The following SEZ6L2 variants were observed in gnomAD, a reference collection of about 807,000 sequenced individuals.
The protein encoded by SEZ6L2 is seizure 6-like protein 2.
Under a neutral mutation model 97.0 loss-of-function variants are expected in SEZ6L2, and 44 were observed. The ratio of observed to expected loss-of-function variants is 0.45; its 90% CI spans 0.36 to 0.58. The LOEUF (loss-of-function observed/expected upper bound fraction) is 0.58. SEZ6L2 is among the 20% of genes least tolerant of loss of function. The pLI, the probability that SEZ6L2 is intolerant of heterozygous loss-of-function variation, is 0.00. For synonymous variants in SEZ6L2, 543 were observed against 546.1 expected (o/e 0.99, Z 0.08); for missense variants, 1,086 against 1,233.3 (o/e 0.88, Z 1.79).
chr16:29,883,546 T>C (rs1410158973), intron 8 of SEZ6L2, among the ~76,000 whole-genome samples: 3 of 152,148 alleles, frequency 2.0e-5, no homozygotes, highest in Non-Finnish European at 4.4e-5. Context: ...CTCAAACTCC[T>C]GGCCTCAAAC....
intron 5 of SEZ6L2, among the ~76,000 whole-genome samples, chr16:29,891,262 CTA>C (rs146833675): frequency 0.26 from 38,786 of 151,874 alleles, 5,590 homozygotes; most frequent in Non-Finnish European, 0.34. Flanking sequence ...CAGTGTTTCA[CTA>C]TGTTGGCCAG....
At position 29,871,458 on chromosome 16, in the gene SEZ6L2, C is replaced by T. The variant is rs530066455; in HGVS notation, c.*241G>A. ...AGTTCCCCTCCCAGAATCCAAAAGCCGGTAGGGCGGGGGGCAGGCCCCTCG... is the reference window on the plus strand; with the variant it reads ...AGTTCCCCTCCCAGAATCCAAAAGCTGGTAGGGCGGGGGGCAGGCCCCTCG... On this transcript the variant is annotated 3_prime_UTR_variant, in exon 18 of 18. Transcript: ENST00000617533. 18 of 587,878 alleles carry T rather than the reference C, an allele frequency of 3.1e-5. No individual in the cohort carries two copies. The highest frequency in any genetic ancestry group is 1.7e-4 in the East Asian group (6 of 35,530). The allele number at this position is 587,878 out of a possible 1,614,324, so 36.4% of individuals were successfully genotyped here.
At chr16:29,874,495 C>T (rs888415137) in intron 12 of SEZ6L2, among the ~76,000 whole-genome samples, 5 of 144,240 alleles carry the variant, frequency 3.5e-5, no homozygotes, top group Admixed American at 2.1e-4. Flanking sequence ...TAAGCCTGAG[C>T]TACGTACCCT....
intron 5 of SEZ6L2, among the ~76,000 whole-genome samples, chr16:29,891,187 G>A (rs1441535979): frequency 3.9e-5 from 6 of 151,972 alleles, no homozygotes; most frequent in South Asian, 2.1e-4. Flanking sequence ...TGATCTGCCC[G>A]CCTCGGCCTC....
chr16:29,876,998 C>T lies in SEZ6L2; in HGVS notation c.1910-48G>A, dbSNP rs1414193513. On this transcript the variant is annotated intron_variant, in intron 11 of 17. Transcript: ENST00000617533. This position sits in a 1 kb window ranked among gnomAD's most constrained non-coding sequence, Gnocchi z 6.5. ...TTGGAGGCTGCGTTTTAACTGCGGG[C>T]TCCCTTCCAGCCTCGGAGGCTTTGC... 6.5e-7 allele frequency: 1 copy of T among 1,547,356 alleles called. No homozygotes were observed. Among genetic ancestry groups the T allele is most frequent in the Admixed American group, 1.7e-5 (1 of 57,578 alleles).
In SEZ6L2 at chr16:29,887,754, C is replaced by A; in HGVS notation, c.1103G>T (p.Gly368Val). ...LGRIVSPEPG[G>V]AVGPNLTCRW... ...GCAGGTGAGGTTGGGCCCTACGGCT[C>A]CCCCAGGCTCTGGGGACACGATGCG... Residue 368 changes from glycine (G) to valine (V), a missense_variant, in exon 7 of 18, where the codon GGA (glycine) becomes GTA (valine). This residue lies in a region of SEZ6L2 where 776 missense variants were observed against 794.7 expected (regional missense o/e 0.98). Coordinates refer to ENST00000617533, the MANE Select transcript of SEZ6L2 (RefSeq NM_001243332.2). The A allele has an allele frequency of 6.2e-7, 1 of 1,613,620 alleles. No individual in the cohort carries two copies. The highest frequency in any genetic ancestry group is 1.1e-5 in the South Asian group (1 of 91,042).
Position 29,895,370 on chromosome 16 carries a change from A to C in SEZ6L2, c.742T>G (p.Ser248Ala), listed in dbSNP as rs1445659488. 1 of 1,614,026 alleles carries C rather than the reference A, an allele frequency of 6.2e-7. No individual in the cohort carries two copies. Among genetic ancestry groups the C allele is most frequent in the South Asian group, 1.1e-5 (1 of 91,082 alleles). Residue 248 changes from serine to alanine, a missense_variant, in exon 5 of 18, where the codon TCA becomes GCA. Around this residue, in one of 2 missense-constraint regions of SEZ6L2, gnomAD observed 776 missense variants for 794.7 expected, o/e 0.98. Coordinates refer to ENST00000617533, the MANE Select transcript of SEZ6L2 (RefSeq NM_001243332.2). ...PGLAPRLLAN[S>A]SMLGEGQVLR... ...ACTTGTCCTTCTCCAAGCATGGATG[A>C]GTTGGCCAGGAGTCGGGGGGCCAGG...
At chr16:29,886,472 G>A (rs1430902655) in intron 7 of SEZ6L2, among the ~76,000 whole-genome samples, 2 of 151,636 alleles carry the variant, frequency 1.3e-5, no homozygotes, top group East Asian at 1.9e-4. Flanking sequence ...TCAGGAGATC[G>A]AGACCATCCT....
At chr16:29,879,248 G>A (rs771646188) in intron 9 of SEZ6L2, among the ~76,000 whole-genome samples, 25 of 146,548 alleles carry the variant, frequency 1.7e-4, no homozygotes, top group Non-Finnish European at 3.3e-4. Flanking sequence ...TTTTTGAGAC[G>A]GAGTTTCACA....
rs560329237 is a variant in SEZ6L2, at chr16:29,889,366, G to T, written c.854-641C>A. 1.2e-3 allele frequency among the ~76,000 whole-genome samples: 180 copies of T among 152,058 alleles called. 1 individual carries two copies. The highest frequency in any genetic ancestry group is 4.2e-3 in the African/African-American group (174 of 41,484). On this transcript the variant is annotated intron_variant, in intron 5 of 17. Coordinates refer to ENST00000617533, the MANE Select transcript of SEZ6L2 (RefSeq NM_001243332.2). The stretch of plus-strand genomic sequence containing the variant: ...AGGCAGGAGAATCACTTGAACCCAG[G>T]AGGCAGAGGTTGCAGTGAGCCGAGA...
intron 7 of SEZ6L2, 91 bp from the exon 8 acceptor site, chr16:29,885,840 T>C: frequency 7.8e-7 from 1 of 1,288,704 alleles, no homozygotes; most frequent in Non-Finnish European, 1.1e-6. Flanking sequence ...TTTATAGCTG[T>C]TATCATCACA....
chr16:29,899,079 C>T lies in SEZ6L2; in HGVS notation c.-60G>A. ...TCTAAGTAATCTGGCTGCCACCTTT[C>T]CTCCGTCTCCGTTTATCTTTCCCTT... On this transcript the variant is annotated 5_prime_UTR_variant, in exon 1 of 18. Coordinates refer to ENST00000617533, the MANE Select transcript of SEZ6L2 (RefSeq NM_001243332.2). 2 of 1,159,502 alleles carry T rather than the reference C, an allele frequency of 1.7e-6. No individual in the cohort carries two copies. Among genetic ancestry groups the T allele is most frequent in the Admixed American group, 4.4e-5 (2 of 45,706 alleles). The allele number at this position is 1,159,502 out of a possible 1,614,324, so 71.8% of individuals were successfully genotyped here. A position where few individuals can be genotyped will look rare whatever the true frequency, so the allele number is the denominator to read the frequency against.
chr16:29,896,526 GC>G (rs1382805126), intron 3 of SEZ6L2, among the ~76,000 whole-genome samples: 1 of 151,992 alleles, frequency 6.6e-6, no homozygotes, highest in Non-Finnish European at 1.5e-5. Flanking sequence ...TGATCTGCCC[GC>G]CTGGCCTCCC....
chr16:29,880,114 G>T (rs1355874153), intron 8 of SEZ6L2, 50 bp from the exon 9 acceptor site: 2 of 1,564,634 alleles, frequency 1.3e-6, no homozygotes, highest in South Asian at 1.1e-5. Flanking sequence ...GGCCTCAAGG[G>T]ATCTTAAATT....
chr16:29,878,220 AC>A, intron 10 of SEZ6L2, 66 bp downstream of exon 10: 2 of 1,470,160 alleles, frequency 1.4e-6, no homozygotes, highest in Non-Finnish European at 1.8e-6. Flanking sequence ...AATGCAGGCT[AC>A]TGCATTGGCA....
In SEZ6L2 at chr16:29,876,068, C is replaced by T. The variant is rs1398873435; in HGVS notation, c.2104+688G>A. Among the ~76,000 whole-genome samples, 1 of 152,138 alleles carries T rather than the reference C, an allele frequency of 6.6e-6. No homozygotes were observed. Among genetic ancestry groups the T allele is most frequent in the African/African-American group, 2.4e-5 (1 of 41,420 alleles). On this transcript the variant is annotated intron_variant, in intron 12 of 17. Transcript: ENST00000617533. The surrounding 1 kb of genome is among the most constrained non-coding windows in gnomAD (Gnocchi z 6.5). ...GGGCAGCATGCGCCCTGTGAACTTT[C>T]CATCTGCTCTTCACAACCTCAGTCC...
At position 29,875,661 on chromosome 16, in the gene SEZ6L2, C is replaced by CTTTTTTTT. The variant is rs149293940; in HGVS notation, c.2104+1094_2104+1095insAAAAAAAA. ...CAATTTTCTTTTTCTTTCTTTCTTT[C>CTTTTTTTT]TTTCTTTTTTTTTTTTTTGAGATGG... On this transcript the variant is annotated intron_variant, in intron 12 of 17. Transcript: ENST00000617533. 3.5e-4 allele frequency among the ~76,000 whole-genome samples: 40 copies of CTTTTTTTT among 112,708 alleles called. 1 individual carries two copies. Among genetic ancestry groups the CTTTTTTTT allele is most frequent in the African/African-American group, 1.2e-3 (32 of 26,216 alleles). The allele number at this position is 112,708 out of a possible 152,430, so 73.9% of individuals were successfully genotyped here.
chr16:29,878,763 C>CTTTTTTTTTTTTTTTTTT (rs529820559), intron 9 of SEZ6L2, among the ~76,000 whole-genome samples: 2 of 127,932 alleles, frequency 1.6e-5, no homozygotes, highest in Non-Finnish European at 3.4e-5. Context: ...TTTCTTTTTT[C>CTTTTTTTTTTTTTTTTTT]TTTTTTTTTT....
Position 29,878,422 on chromosome 16 carries a change from ATGGCTAGGG to A in SEZ6L2, c.1574-6_1576del. 1.9e-6 allele frequency: 3 copies of A among 1,594,168 alleles called. No homozygotes were observed. The highest frequency in any genetic ancestry group is 1.7e-5 in the Admixed American group (1 of 58,374). ...TGGTTCCGACAGCTCCCCTCCACAC[ATGGCTAGGG>A]AAAAAGGGGTGTCAGGTTCAGGACC... On this transcript the variant is annotated splice_acceptor_variant and splice_polypyrimidine_tract_variant and coding_sequence_variant and intron_variant, in exon 10 of 18. Transcript: ENST00000617533. LOFTEE classifies it high-confidence loss of function.
Sources: gnomAD v4.1 joint callset for allele counts (sites outside exome capture counted in the v4.1 genomes callset) on GRCh38, gnomAD v4.1.1 for gene constraint, gnomAD v4.1.1 regional missense constraint, Gnocchi (gnomAD v3.1) non-coding constraint, MANE v1.5 for transcripts, NCBI Gene and HGNC (gene_info 2026-07-23, HGNC 2026-07-21) for gene names.